The following CBFA2T3 variants were observed in gnomAD, a reference collection of about 807,000 sequenced individuals.
CBFA2T3 encodes CBFA2/RUNX1 partner transcriptional co-repressor 3.
A neutral mutation model predicts 58.6 loss-of-function variants in CBFA2T3; 31 were observed. The observed-to-expected ratio is 0.53, with a 90% CI of 0.40 to 0.71. The LOEUF (loss-of-function observed/expected upper bound fraction) is 0.71. CBFA2T3 is among the 30% of genes least tolerant of loss of function. CBFA2T3 has a pLI of 0.00. For synonymous variants in CBFA2T3, 531 were observed against 421.9 expected (o/e 1.26, Z -3.17); for missense variants, 1,076 against 963.1 (o/e 1.12, Z -1.55).
intron 1 of CBFA2T3, among the ~76,000 whole-genome samples, chr16:88,921,288 T>C (rs1194215668): frequency 6.6e-6 from 1 of 152,298 alleles, no homozygotes; most frequent in African/African-American, 2.4e-5. Flanking sequence ...TAACTCATCC[T>C]GTTTTTAATT....
At chr16:88,936,202 C>T (rs117953675) in intron 1 of CBFA2T3, among the ~76,000 whole-genome samples, 2,098 of 152,310 alleles carry the variant, frequency 0.014, 33 homozygotes, top group Middle Eastern at 0.031. Context: ...CACCAGGGTG[C>T]GCAGGAGCCC....
intron 1 of CBFA2T3, among the ~76,000 whole-genome samples, chr16:88,972,843 G>T (rs1444482398): frequency 2.0e-5 from 3 of 152,206 alleles, no homozygotes; most frequent in African/African-American, 7.2e-5. Flanking sequence ...GAGGGTGCTG[G>T]GGACCTTGGG....
At chr16:88,940,742 C>T (rs1343792315) in intron 1 of CBFA2T3, among the ~76,000 whole-genome samples, 1 of 152,074 alleles carries the variant, frequency 6.6e-6, no homozygotes, top group Non-Finnish European at 1.5e-5. Context: ...TTAGGAAAAC[C>T]GGGCGGCCCC....
intron 1 of CBFA2T3, among the ~76,000 whole-genome samples, chr16:88,928,127 C>T (rs538564097): frequency 2.3e-4 from 35 of 151,820 alleles, no homozygotes; most frequent in Non-Finnish European, 2.4e-4. Context: ...CACTGTCCCA[C>T]GGGGCTCTGT....
chr16:88,916,902 G>C (rs1460293202), intron 1 of CBFA2T3, among the ~76,000 whole-genome samples: 2 of 151,612 alleles, frequency 1.3e-5, no homozygotes, highest in Admixed American at 6.6e-5. Context: ...GCAGGGTCTC[G>C]AACGTTGTAT....
chr16:88,898,056 C>A (rs368719779), intron 3 of CBFA2T3, 22 bp downstream of exon 3: 3 of 1,576,314 alleles, frequency 1.9e-6, no homozygotes, highest in Non-Finnish European at 2.6e-6. Flanking sequence ...GGGAGGCCTG[C>A]GGTTTTTGTT....
At chr16:88,899,225 C>T (rs890394530) in intron 2 of CBFA2T3, among the ~76,000 whole-genome samples, 1 of 152,132 alleles carries the variant, frequency 6.6e-6, no homozygotes, top group South Asian at 2.1e-4. Context: ...AGGAGCCTCC[C>T]GGCAGGGCTC....
chr16:88,924,557 C>T (rs1343987306), intron 1 of CBFA2T3, among the ~76,000 whole-genome samples: 1 of 152,136 alleles, frequency 6.6e-6, no homozygotes, highest in Non-Finnish European at 1.5e-5. Flanking sequence ...ACCAGGGCAG[C>T]TCTCGGTGCT....
At chr16:88,965,121 A>ATCCATCCACC (rs1440272189) in intron 1 of CBFA2T3, among the ~76,000 whole-genome samples, 1 of 129,388 alleles carries the variant, frequency 7.7e-6, no homozygotes, top group Non-Finnish European at 1.6e-5. Flanking sequence ...CCATCCATCC[A>ATCCATCCACC]CCCACCCACC....
intron 1 of CBFA2T3, among the ~76,000 whole-genome samples, chr16:88,920,024 A>T (rs964120570): frequency 1.3e-5 from 2 of 152,156 alleles, no homozygotes; most frequent in African/African-American, 4.8e-5. Context: ...CTTCCCGAGC[A>T]CTCTGCTCAA....
chr16:88,891,084 C>A (rs1409881753), intron 5 of CBFA2T3, among the ~76,000 whole-genome samples: 1 of 152,116 alleles, frequency 6.6e-6, no homozygotes, highest in African/African-American at 2.4e-5. Context: ...CTGGGTGTGA[C>A]CATCTGACCT....
Position 88,900,088 on chromosome 16 carries a change from A to G in CBFA2T3, c.304+1416T>C, listed in dbSNP as rs1970040723. Among the ~76,000 whole-genome samples the G allele has an allele frequency of 2.6e-5, 4 of 152,318 alleles. No individual in the cohort carries two copies. The South Asian group carries it at 8.3e-4, about 32-fold the overall frequency. On this transcript the variant is annotated intron_variant, in intron 2 of 11. Coordinates refer to ENST00000268679, the MANE Select transcript of CBFA2T3 (RefSeq NM_005187.6). ...CCAGCTCCGCAGAGCCAGGACCTGCACGCTGGGCCCGCCGTCCCCCAGGAC... is the reference window on the plus strand; with the variant it reads ...CCAGCTCCGCAGAGCCAGGACCTGCGCGCTGGGCCCGCCGTCCCCCAGGAC...
chr16:88,957,033 C>T (rs1048338931), intron 1 of CBFA2T3, among the ~76,000 whole-genome samples: 2 of 152,224 alleles, frequency 1.3e-5, no homozygotes, highest in African/African-American at 2.4e-5. Context: ...CCGGAGACTG[C>T]GGCAGCCTGA....
rs977908297 is a variant in CBFA2T3 at position 88,953,365 on chromosome 16, C to T, written c.151+23292G>A. On this transcript the variant is annotated intron_variant, in intron 1 of 11. Coordinates refer to ENST00000268679, the MANE Select transcript of CBFA2T3 (RefSeq NM_005187.6). This position sits in a 1 kb window ranked among gnomAD's most constrained non-coding sequence, Gnocchi z 4.9. The stretch of plus-strand genomic sequence containing the variant: ...AAGGAGTGAGCGTGGGGAGAGCCAG[C>T]CAGGCTCCCCATGTCCACCCAGATG... Among the ~76,000 whole-genome samples the T allele has an allele frequency of 6.6e-6, 1 of 152,016 alleles. No individual in the cohort carries two copies. Among genetic ancestry groups the T allele is most frequent in the African/African-American group, 2.4e-5 (1 of 41,318 alleles).
At chr16:88,967,501 T>C (rs985323879) in intron 1 of CBFA2T3, among the ~76,000 whole-genome samples, 1 of 151,774 alleles carries the variant, frequency 6.6e-6, no homozygotes, top group Non-Finnish European at 1.5e-5. Flanking sequence ...GAGGAAGCCG[T>C]GGTGGGGTGT....
chr16:88,916,215 C>T (rs1222968538), intron 1 of CBFA2T3, among the ~76,000 whole-genome samples: 1 of 138,596 alleles, frequency 7.2e-6, no homozygotes, highest in Admixed American at 7.0e-5. Flanking sequence ...CATGCACTTA[C>T]ATATACATGT....
intron 2 of CBFA2T3, 109 bp from the exon 3 acceptor site, chr16:88,898,261 T>C: frequency 1.2e-6 from 1 of 819,636 alleles, no homozygotes; most frequent in Admixed American, 2.0e-5. Context: ...TGATTTTTGG[T>C]GGGGGCGTGG....
At chr16:88,879,034 C>G (rs1002712064) in intron 11 of CBFA2T3, among the ~76,000 whole-genome samples, 3 of 152,222 alleles carry the variant, frequency 2.0e-5, no homozygotes, top group African/African-American at 7.2e-5. Flanking sequence ...CCAACCCTCT[C>G]GAGCCCTCAG....
chr16:88,876,773 G>T lies in CBFA2T3; in HGVS notation c.*203C>A. 2.0e-6 allele frequency: 1 copy of T among 490,616 alleles called. No individual in the cohort carries two copies. Among genetic ancestry groups the T allele is most frequent in the Non-Finnish European group, 3.5e-6 (1 of 282,952 alleles). The allele number at this position is 490,616 out of a possible 1,614,324, so 30.4% of individuals were successfully genotyped here. Reference sequence around the variant, plus strand: ...GAATCATTAGGTAGCTGAGGCAGGTGCACTGAATGCGGTTTTGTTGGTTCT... The same window carrying T: ...GAATCATTAGGTAGCTGAGGCAGGTTCACTGAATGCGGTTTTGTTGGTTCT... On this transcript the variant is annotated 3_prime_UTR_variant, in exon 12 of 12. Coordinates refer to ENST00000268679, the MANE Select transcript of CBFA2T3 (RefSeq NM_005187.6).
Sources: allele counts gnomAD v4.1 joint callset (sites outside exome capture counted in the v4.1 genomes callset), GRCh38; gene constraint gnomAD v4.1.1; non-coding constraint Gnocchi (gnomAD v3.1); transcripts MANE v1.5; gene names NCBI Gene and HGNC (gene_info 2026-07-23, HGNC 2026-07-21).